INTS2: variants seen among roughly 807,000 people sequenced by gnomAD.
INTS2 encodes the protein KIAA1287.
In INTS2, 57 loss-of-function variants were observed where a neutral mutation model predicts 139.6. That is an observed-to-expected ratio of 0.41 (90% CI 0.33 to 0.51). The LOEUF (loss-of-function observed/expected upper bound fraction) is 0.51. INTS2 is among the 20% of genes least tolerant of loss of function. INTS2 has a pLI of 0.28. For missense variants in INTS2, 1,196 were observed against 1,436.7 expected (o/e 0.83, Z 2.71); for synonymous variants, 473 against 493.4 (o/e 0.96, Z 0.55).
Position 61,897,803 on chromosome 17 carries a change from C to T in INTS2, c.1308-64G>A, listed in dbSNP as rs2079364646. ...GATATACTAGCATATGAATAAAAAG[C>T]ATTCTGAAGTTATTTTTGGTAGAAA... On this transcript the variant is annotated intron_variant, in intron 9 of 24. Coordinates refer to ENST00000251334, the MANE Select transcript of INTS2 (RefSeq NM_001351695.2). The surrounding 1 kb of genome is among the most constrained non-coding windows in gnomAD (Gnocchi z 4.4). 2 of 1,085,188 alleles carry T rather than the reference C, an allele frequency of 1.8e-6. No individual in the cohort carries two copies. Among genetic ancestry groups the T allele is most frequent in the African/African-American group, 1.6e-5 (1 of 62,712 alleles). The allele number at this position is 1,085,188 out of a possible 1,614,324, so 67.2% of individuals were successfully genotyped here. A position where few individuals can be genotyped will look rare whatever the true frequency, so the allele number is the denominator to read the frequency against.
chr17:61,920,672 G>T (rs768771097), intron 4 of INTS2, among the ~76,000 whole-genome samples: 1 of 151,798 alleles, frequency 6.6e-6, no homozygotes, highest in South Asian at 2.1e-4. Flanking sequence ...GCATGGTGCC[G>T]CATGCCTGTA....
intron 7 of INTS2, 70 bp from the exon 8 acceptor site, chr17:61,907,704 A>T: frequency 1.7e-6 from 2 of 1,186,524 alleles, no homozygotes; most frequent in Non-Finnish European, 1.2e-6. Flanking sequence ...GAGCTAAAAC[A>T]TAGCACCCCA....
Position 61,867,876 on chromosome 17 carries a change from A to G in INTS2, c.3378T>C (p.Ser1126=). 6.2e-7 allele frequency: 1 copy of G among 1,607,210 alleles called. No individual in the cohort carries two copies. The highest frequency in any genetic ancestry group is 8.5e-7 in the Non-Finnish European group (1 of 1,178,100). The change falls in exon 24 of 25, where the codon TCT becomes TCC. Residue 1126 remains serine, a synonymous_variant. Transcript: ENST00000251334. The surrounding 1 kb of genome is among the most constrained non-coding windows in gnomAD (Gnocchi z 5.6). ...TGTCTCTTGTCTGAGTGGCAACATC[A>G]GAGGCACAAACTTGCCCTATTTGGA... is the stretch of plus-strand genomic sequence containing the variant. ...LLIQIGQVCA[S]DVATQTRDID...
rs2079502070 is a variant in INTS2 at position 61,909,609 on chromosome 17, T to C, written c.954+1911A>G. Among the ~76,000 whole-genome samples, 1 of 152,146 alleles carries C rather than the reference T, an allele frequency of 6.6e-6. No homozygotes were observed. Among genetic ancestry groups the C allele is most frequent in the African/African-American group, 2.4e-5 (1 of 41,436 alleles). ...TGATGTGTATTATCCCACTCGCTTA[T>C]GTCCATGTGTACACATGATTAGCAC... is the stretch of plus-strand genomic sequence containing the variant. On this transcript the variant is annotated intron_variant, in intron 7 of 24. Transcript: ENST00000251334. This position sits in a 1 kb window ranked among gnomAD's most constrained non-coding sequence, Gnocchi z 4.9.
intron 2 of INTS2, among the ~76,000 whole-genome samples, chr17:61,925,793 G>A (rs2079705400): frequency 6.6e-6 from 1 of 151,892 alleles, no homozygotes; most frequent in Admixed American, 6.6e-5. Flanking sequence ...GGGAGGCCAA[G>A]GCAGGTGGAT....
intron 11 of INTS2, among the ~76,000 whole-genome samples, chr17:61,896,145 C>A (rs1429827921): frequency 1.4e-5 from 2 of 146,714 alleles, no homozygotes; most frequent in Non-Finnish European, 3.0e-5. Context: ...GAGGCTGAGG[C>A]AGGAGAATGG....
chr17:61,869,257 C>T lies in INTS2; in HGVS notation c.3138+16G>A. 6.4e-7 allele frequency: 1 copy of T among 1,567,412 alleles called. No individual in the cohort carries two copies. The highest frequency in any genetic ancestry group is 1.4e-5 in the African/African-American group (1 of 73,844). On this transcript the variant is annotated intron_variant, in intron 22 of 24. Transcript: ENST00000251334. This position sits in a 1 kb window ranked among gnomAD's most constrained non-coding sequence, Gnocchi z 5.4. Reference sequence around the variant, plus strand: ...GAGAGAGATCAATTGTCCTAAAGCTCCAAAATGCTCATTACCTGTTTCTCA... The same window carrying T: ...GAGAGAGATCAATTGTCCTAAAGCTTCAAAATGCTCATTACCTGTTTCTCA...
rs544316003 is a variant in INTS2 at position 61,881,659 on chromosome 17, T to A, written c.2090-488A>T. ...ATAAGCTTGGGAAGCTTGTTTCATG[T>A]GCAGAATAATGAATACCATCCCAGG... On this transcript the variant is annotated intron_variant, in intron 16 of 24. Coordinates refer to ENST00000251334, the MANE Select transcript of INTS2 (RefSeq NM_001351695.2). 1.1e-4 allele frequency among the ~76,000 whole-genome samples: 17 copies of A among 152,322 alleles called. No individual in the cohort carries two copies. In the South Asian group the frequency reaches 2.5e-3, roughly 22 times the overall value.
intron 16 of INTS2, among the ~76,000 whole-genome samples, chr17:61,884,555 A>T (rs2175970): frequency 0.26 from 39,048 of 149,000 alleles, 5,540 homozygotes; most frequent in South Asian, 0.51. Context: ...AGTTAAAAAA[A>T]TTTTTTTTTT....
chr17:61,897,437 T>A lies in INTS2; in HGVS notation c.1494+32A>T. 7.5e-7 allele frequency: 1 copy of A among 1,337,938 alleles called. No homozygotes were observed. The highest frequency in any genetic ancestry group is 1.0e-6 in the Non-Finnish European group (1 of 975,482). 82.9% of individuals were successfully genotyped at this position (1,337,938 alleles called of 1,614,324 possible). On this transcript the variant is annotated intron_variant, in intron 11 of 24. Coordinates refer to ENST00000251334, the MANE Select transcript of INTS2 (RefSeq NM_001351695.2). The surrounding 1 kb of genome is among the most constrained non-coding windows in gnomAD (Gnocchi z 4.4). The stretch of plus-strand genomic sequence containing the variant: ...AAATGTCCAGCTTAGAAACACCTTT[T>A]TTTTTTTAGAAAGAAGTTAAAAGAA...
chr17:61,922,994 T>A (rs1242438214), intron 3 of INTS2, among the ~76,000 whole-genome samples: 1 of 150,908 alleles, frequency 6.6e-6, no homozygotes, highest in Non-Finnish European at 1.5e-5. Flanking sequence ...GGAGAATCGC[T>A]TTAACCCAGG....
At chr17:61,890,935 G>C (rs1337477238) in intron 14 of INTS2, among the ~76,000 whole-genome samples, 5 of 120,918 alleles carry the variant, frequency 4.1e-5, no homozygotes, top group African/African-American at 1.6e-4. Context: ...AGTGAGCCGA[G>C]ACTGCCCATT....
At chr17:61,914,515 C>G (rs138090932) in intron 5 of INTS2, among the ~76,000 whole-genome samples, 1 of 151,992 alleles carries the variant, frequency 6.6e-6, no homozygotes, top group East Asian at 1.9e-4. Flanking sequence ...CTGGCTAACA[C>G]GGTGAAACCG....
At position 61,881,064 on chromosome 17, in the gene INTS2, G is replaced by A. The variant is rs201173583; in HGVS notation, c.2197C>T (p.Arg733Trp). 227 of 1,613,554 alleles carry A rather than the reference G, an allele frequency of 1.4e-4. No homozygotes were observed. The highest frequency in any genetic ancestry group is 1.7e-4 in the Non-Finnish European group (203 of 1,179,612). ...GCATTATTAGTCAGGAGCATTCGCC[G>A]TAGCAGGGCATCAGTCCCTGTGATT... ...EEITGTDALL[R>W]RMLLTNNAKN... The change falls in exon 17 of 25, where the codon CGG (arginine) becomes TGG (tryptophan). Residue 733 changes from arginine to tryptophan, a missense_variant. This residue lies in a region of INTS2 where 1,129 missense variants were observed against 1,341.9 expected (regional missense o/e 0.84). Coordinates refer to ENST00000251334, the MANE Select transcript of INTS2 (RefSeq NM_001351695.2).
chr17:61,876,702 C>G lies in INTS2; in HGVS notation c.2456+1185G>C, dbSNP rs141994979. ...AGGTGATCCGTCCACCTCGGCCTCCCAAAGTGCTAAGATTACAGGTGTGGG... is the reference window on the plus strand; with the variant it reads ...AGGTGATCCGTCCACCTCGGCCTCCGAAAGTGCTAAGATTACAGGTGTGGG... On this transcript the variant is annotated intron_variant, in intron 18 of 24. Coordinates refer to ENST00000251334, the MANE Select transcript of INTS2 (RefSeq NM_001351695.2). The surrounding 1 kb of genome is among the most constrained non-coding windows in gnomAD (Gnocchi z 4.1). Among the ~76,000 whole-genome samples the G allele has an allele frequency of 6.6e-5, 10 of 152,154 alleles. No individual in the cohort carries two copies. The highest frequency in any genetic ancestry group is 2.2e-4 in the African/African-American group (9 of 41,504).
intron 9 of INTS2, among the ~76,000 whole-genome samples, chr17:61,902,904 C>T (rs1040245040): frequency 6.7e-6 from 1 of 148,556 alleles, no homozygotes; most frequent in Non-Finnish European, 1.5e-5. Flanking sequence ...CGGTGGCTCA[C>T]GCCTGTAATC....
intron 16 of INTS2, 48 bp downstream of exon 16, chr17:61,884,853 G>A (rs2079211164): frequency 8.8e-7 from 1 of 1,135,748 alleles, no homozygotes; most frequent in African/African-American, 1.6e-5. Flanking sequence ...TAAACAGAAA[G>A]GTTTTTTAAC....
Position 61,919,494 on chromosome 17 carries a change from A to ATAGT in INTS2, c.554_555insACTA (p.Ile186LeufsTer4). ...GCAAAGCTTCAGCTACATCAACTATAGGGAGCAAGGAAGGGAGCTCTACAA... is the reference window on the plus strand; with the variant it reads ...GCAAAGCTTCAGCTACATCAACTATATAGTGGGAGCAAGGAAGGGAGCTCTACAA... On this transcript the variant is annotated frameshift_variant, in exon 5 of 25. Coordinates refer to ENST00000251334, the MANE Select transcript of INTS2 (RefSeq NM_001351695.2). LOFTEE classifies it high-confidence loss of function. 1.9e-6 allele frequency: 3 copies of ATAGT among 1,587,738 alleles called. No individual in the cohort carries two copies. Among genetic ancestry groups the ATAGT allele is most frequent in the Non-Finnish European group, 2.6e-6 (3 of 1,163,708 alleles).
chr17:61,872,244 T>A lies in INTS2; in HGVS notation c.2778+21A>T. The A allele has an allele frequency of 6.3e-7, 1 of 1,597,010 alleles. No individual in the cohort carries two copies. The highest frequency in any genetic ancestry group is 8.6e-7 in the Non-Finnish European group (1 of 1,168,096). ...GAAGCCCTTGCTCTTTTTGACTAAA[T>A]TTTACTTTAGCAAAATTTACCTGAG... On this transcript the variant is annotated intron_variant, in intron 20 of 24. Coordinates refer to ENST00000251334, the MANE Select transcript of INTS2 (RefSeq NM_001351695.2). The surrounding 1 kb of genome is among the most constrained non-coding windows in gnomAD (Gnocchi z 4.8).
Sources: gnomAD v4.1 joint callset for allele counts (sites outside exome capture counted in the v4.1 genomes callset) on GRCh38, gnomAD v4.1.1 for gene constraint, gnomAD v4.1.1 regional missense constraint, Gnocchi (gnomAD v3.1) non-coding constraint, MANE v1.5 for transcripts, NCBI Gene and HGNC (gene_info 2026-07-23, HGNC 2026-07-21) for gene names.